The following SPOCK3 variants were observed in gnomAD, a reference collection of about 807,000 sequenced individuals.
SPOCK3 encodes SPARC (osteonectin), cwcv and kazal like domains proteoglycan 3.
Under a neutral mutation model 56.6 loss-of-function variants are expected in SPOCK3, and 30 were observed. The ratio of observed to expected loss-of-function variants is 0.53; its 90% CI spans 0.40 to 0.72. The LOEUF is 0.72. SPOCK3 is among the 30% of genes least tolerant of loss of function. The pLI is 0.00. For missense variants in SPOCK3, 527 were observed against 530.0 expected, an observed-to-expected ratio of 0.99 and a Z score of 0.06; for synonymous variants, 196 against 183.3, an observed-to-expected ratio of 1.07 and a Z score of -0.56.
intron 6 of SPOCK3, among the ~76,000 whole-genome samples, chr4:166,794,265 G>T (rs9637685): frequency 2.8e-5 from 4 of 145,294 alleles, no homozygotes; most frequent in African/African-American, 1.0e-4. Flanking sequence ...TGCTTACACT[G>T]TAGCCTGCTG....
At chr4:166,800,190 A>AAAAAAAAAAAAAAAAAAAAAAAAAT (rs1298535738) in intron 6 of SPOCK3, among the ~76,000 whole-genome samples, 1 of 128,900 alleles carries the variant, frequency 7.8e-6, no homozygotes, top group African/African-American at 2.6e-5. Flanking sequence ...TCAGAAAAAA[A>AAAAAAAAAAAAAAAAAAAAAAAAAT]AAAAAAAAAA....
intron 8 of SPOCK3, chr4:166,754,260 G>T: frequency 8.6e-7 from 1 of 1,167,280 alleles, no homozygotes; most frequent in Admixed American, 4.4e-5. Context: ...GGCTCATAAT[G>T]GAAACTATAA....
At chr4:166,798,821 G>A (rs1250293007) in intron 6 of SPOCK3, among the ~76,000 whole-genome samples, 1 of 152,158 alleles carries the variant, frequency 6.6e-6, no homozygotes, top group Non-Finnish European at 1.5e-5. Flanking sequence ...GAGTATGCAA[G>A]TACTGATGTG....
intron 2 of SPOCK3, among the ~76,000 whole-genome samples, chr4:167,158,082 T>G (rs888707507): frequency 2.0e-5 from 3 of 151,994 alleles, no homozygotes; most frequent in Non-Finnish European, 4.4e-5. Context: ...AACATAGATA[T>G]TTGAGGCTGA....
At chr4:167,037,441 C>A (rs1479701454) in intron 3 of SPOCK3, among the ~76,000 whole-genome samples, 1 of 150,532 alleles carries the variant, frequency 6.6e-6, no homozygotes, top group Non-Finnish European at 1.5e-5. Context: ...GAGATTGCAC[C>A]ACTGCACTCC....
chr4:166,871,155 G>C (rs1732425056), intron 6 of SPOCK3, among the ~76,000 whole-genome samples: 2 of 151,734 alleles, frequency 1.3e-5, no homozygotes, highest in African/African-American at 4.8e-5. Context: ...CAAGAGACTA[G>C]AGAAAGAAGA....
intron 4 of SPOCK3, among the ~76,000 whole-genome samples, chr4:166,934,333 CAA>C (rs34556103): frequency 7.1e-5 from 10 of 140,290 alleles, no homozygotes; most frequent in African/African-American, 2.1e-4. Flanking sequence ...ACTAAAAATA[CAA>C]AAAAAAAAAA....
chr4:166,883,153 G>T (rs1283716389), intron 6 of SPOCK3: 1 of 152,028 alleles, frequency 6.6e-6, no homozygotes, highest in Non-Finnish European at 1.5e-5. Context: ...TTGGAAAATG[G>T]CATACATTAA....
chr4:166,914,247 A>T, intron 4 of SPOCK3, among the ~76,000 whole-genome samples: 1 of 152,026 alleles, frequency 6.6e-6, no homozygotes, highest in Admixed American at 6.6e-5. Flanking sequence ...AAAAAAAAAT[A>T]AGACGTATAT....
At chr4:166,842,517 T>C (rs1192070582) in intron 6 of SPOCK3, among the ~76,000 whole-genome samples, 1 of 151,998 alleles carries the variant, frequency 6.6e-6, no homozygotes, top group African/African-American at 2.4e-5. Flanking sequence ...TTACAAACCT[T>C]GAGCTAGACA....
chr4:167,043,421 C>T (rs1561153241), intron 3 of SPOCK3, among the ~76,000 whole-genome samples: 1 of 151,924 alleles, frequency 6.6e-6, no homozygotes, highest in Non-Finnish European at 1.5e-5. Context: ...TTTATTTATT[C>T]CTTTTCAATC....
intron 2 of SPOCK3, among the ~76,000 whole-genome samples, chr4:167,225,147 A>G (rs1204002205): frequency 6.6e-6 from 1 of 152,142 alleles, no homozygotes; most frequent in Non-Finnish European, 1.5e-5. Flanking sequence ...TCTACCTCAC[A>G]CAGATTAAGA....
intron 4 of SPOCK3, among the ~76,000 whole-genome samples, chr4:166,992,031 G>C (rs1489454724): frequency 6.6e-6 from 1 of 152,112 alleles, no homozygotes; most frequent in Non-Finnish European, 1.5e-5. Context: ...GTCTTGTAAT[G>C]GGTTTCTTTA....
intron 6 of SPOCK3, among the ~76,000 whole-genome samples, chr4:166,824,336 T>G (rs1456103010): frequency 2.0e-5 from 3 of 152,124 alleles, no homozygotes; most frequent in African/African-American, 7.2e-5. Context: ...AACATTGAGT[T>G]ACTGAAGCCA....
intron 6 of SPOCK3, among the ~76,000 whole-genome samples, chr4:166,834,794 T>C (rs1001752846): frequency 2.0e-5 from 3 of 152,122 alleles, no homozygotes; most frequent in Non-Finnish European, 2.9e-5. Context: ...CTAAGTAATG[T>C]TTTTCTCTCT....
At position 166,782,465 on chromosome 4, in the gene SPOCK3, C is replaced by T. The variant is rs367668659; in HGVS notation, c.709+9705G>A. On this transcript the variant is annotated intron_variant, in intron 7 of 10. Transcript: ENST00000357545. ...AGATCTGAAAATCATTGTCAACAAA[C>T]TTGGCATAATTTATATTGACAGAAT... 2.6e-4 allele frequency among the ~76,000 whole-genome samples: 39 copies of T among 152,204 alleles called. No individual in the cohort carries two copies. The South Asian group carries it at 7.7e-3, about 30-fold the overall frequency.
chr4:167,060,393 C>T (rs555010973), intron 3 of SPOCK3, among the ~76,000 whole-genome samples: 1 of 151,744 alleles, frequency 6.6e-6, no homozygotes, highest in Non-Finnish European at 1.5e-5. Context: ...GAACATATCT[C>T]ATGTCTTTTC....
intron 3 of SPOCK3, among the ~76,000 whole-genome samples, chr4:167,050,489 T>C (rs1257304104): frequency 6.6e-6 from 1 of 152,116 alleles, no homozygotes; most frequent in African/African-American, 2.4e-5. Flanking sequence ...TCGAGAACAA[T>C]ATGGTTGTTT....
chr4:166,879,532 A>G (rs540525537), intron 6 of SPOCK3, among the ~76,000 whole-genome samples: 3 of 152,338 alleles, frequency 2.0e-5, no homozygotes, highest in Non-Finnish European at 4.4e-5. Context: ...TTTAAAAAAT[A>G]TGTACATATT....
Sources: gnomAD v4.1 joint callset for allele counts (sites outside exome capture counted in the v4.1 genomes callset) on GRCh38, gnomAD v4.1.1 for gene constraint, MANE v1.5 for transcripts, NCBI Gene and HGNC (gene_info 2026-07-23, HGNC 2026-07-21) for gene names.